Variants in OTOGL observed in about 807,000 individuals in gnomAD.
OTOGL encodes the protein otogelin like, also known as otogelin-like protein.
Under a neutral mutation model 318.5 loss-of-function variants are expected in OTOGL, and 285 were observed. The ratio of observed to expected loss-of-function variants is 0.89; its 90% CI spans 0.81 to 0.99. OTOGL has a LOEUF of 0.99. Among genes scored for constraint, OTOGL ranks in the 50% least tolerant of loss-of-function variants. The pLI, the probability that OTOGL is intolerant of heterozygous loss-of-function variation, is 0.00. For synonymous variants in OTOGL, 987 were observed against 936.5 expected (o/e 1.05, Z -0.99); for missense variants, 2,899 against 2,845.6 (o/e 1.02, Z -0.43).
At chr12:80,359,680 A>G (rs1365197799) in intron 52 of OTOGL, among the ~76,000 whole-genome samples, 1 of 152,224 alleles carries the variant, frequency 6.6e-6, no homozygotes, top group African/African-American at 2.4e-5. Context: ...AAAAAGCATT[A>G]ATCCAACATT....
At position 80,342,016 on chromosome 12, in the gene OTOGL, G is replaced by C. The variant is rs1203529205; in HGVS notation, c.5119G>C (p.Asp1707His). Residue 1707 changes from aspartate to histidine, a missense_variant, in exon 44 of 59, where the codon GAC becomes CAC. Transcript: ENST00000547103. Reference sequence around the variant, plus strand: ...TGGCACAATTATTACAAATATGGAAGACATAGGATTATTTATTGAGAGCTG... The same window carrying C: ...TGGCACAATTATTACAAATATGGAACACATAGGATTATTTATTGAGAGCTG... Reference protein sequence around the residue: ...QNGTIITNMEDIGLFIESWEI... With the variant: ...QNGTIITNMEHIGLFIESWEI... The C allele has an allele frequency of 6.2e-7, 1 of 1,608,532 alleles. No individual in the cohort carries two copies. Among genetic ancestry groups the C allele is most frequent in the African/African-American group, 1.3e-5 (1 of 74,862 alleles).
At chr12:80,206,584 A>C (rs981988325) in intron 1 of OTOGL, among the ~76,000 whole-genome samples, 1 of 152,028 alleles carries the variant, frequency 6.6e-6, no homozygotes, top group Non-Finnish European at 1.5e-5. Flanking sequence ...ACCTCAGTTC[A>C]CGGCAACCTT....
At chr12:80,278,662 A>T (rs899269272) in intron 25 of OTOGL, among the ~76,000 whole-genome samples, 2 of 151,594 alleles carry the variant, frequency 1.3e-5, no homozygotes, top group African/African-American at 2.4e-5. Context: ...ATGGACAAAG[A>T]TTCTAAACTC....
At chr12:80,334,007 T>C (rs1039516928) in intron 38 of OTOGL, among the ~76,000 whole-genome samples, 1 of 152,186 alleles carries the variant, frequency 6.6e-6, no homozygotes, top group African/African-American at 2.4e-5. Context: ...TCTAAATGAC[T>C]TGGGAAGGTG....
chr12:80,164,570 G>A (rs1873718632), intron 1 of OTOGL, among the ~76,000 whole-genome samples: 2 of 152,098 alleles, frequency 1.3e-5, no homozygotes, highest in South Asian at 4.1e-4. Context: ...TTTCTCTAAG[G>A]TAGGTAATAA....
Position 80,125,433 on chromosome 12 carries a change from A to G in OTOGL, c.-20+25828A>G, listed in dbSNP as rs911295884. Reference sequence around the variant, plus strand: ...AGCTTTTTGATGTGCTGCTGGATTCAGTTTGCCAGTATTTTATTGAGGATT... The same window carrying G: ...AGCTTTTTGATGTGCTGCTGGATTCGGTTTGCCAGTATTTTATTGAGGATT... On this transcript the variant is annotated intron_variant, in intron 1 of 58. Coordinates refer to ENST00000547103, the MANE Select transcript of OTOGL (RefSeq NM_001378609.3). 3.8e-4 allele frequency among the ~76,000 whole-genome samples: 58 copies of G among 152,100 alleles called. 1 individual carries two copies. Among genetic ancestry groups the G allele is most frequent in the African/African-American group, 1.1e-3 (46 of 41,434 alleles).
chr12:80,116,416 A>G lies in OTOGL; in HGVS notation c.-20+16811A>G, dbSNP rs144177921. 2.8e-4 allele frequency among the ~76,000 whole-genome samples: 42 copies of G among 152,044 alleles called. 2 individuals are homozygous for G. In the East Asian group the frequency reaches 7.0e-3, roughly 25 times the overall value. The stretch of plus-strand genomic sequence containing the variant: ...CAAGTCCCAGTGAGATGAACTGGGT[A>G]CCTCAGTTGGAAATGCAGAAATCAC... On this transcript the variant is annotated intron_variant, in intron 1 of 58. Transcript: ENST00000547103.
Position 80,339,129 on chromosome 12 carries a change from A to G in OTOGL, c.4915A>G (p.Ile1639Val), listed in dbSNP as rs1393941517. The G allele has an allele frequency of 2.5e-6, 4 of 1,611,790 alleles. No homozygotes were observed. The highest frequency in any genetic ancestry group is 3.4e-6 in the Non-Finnish European group (4 of 1,178,240). The change falls in exon 43 of 59, where the codon ATA becomes GTA. Residue 1639 changes from isoleucine to valine, a missense_variant. Ile to Val is a conservative substitution (Grantham distance 29, BLOSUM62 3). Coordinates refer to ENST00000547103, the MANE Select transcript of OTOGL (RefSeq NM_001378609.3). ...GCCCTTTTCAAGTCAGGAACTGTCC[A>G]TAGAGGATTCTGGTTCAATGTATGT... ...PLPFSSQELS[I>V]EDSGSMYVIT...
intron 22 of OTOGL, among the ~76,000 whole-genome samples, chr12:80,269,586 A>G (rs951855026): frequency 6.6e-6 from 1 of 152,050 alleles, no homozygotes; most frequent in African/African-American, 2.4e-5. Flanking sequence ...ATGCTGCTTT[A>G]CTTCTTCATG....
At position 80,301,888 on chromosome 12, in the gene OTOGL, G is replaced by A. The variant is rs143936125; in HGVS notation, c.3064-746G>A. Among the ~76,000 whole-genome samples, 92 of 152,260 alleles carry A rather than the reference G, an allele frequency of 6.0e-4. No homozygotes were observed. The East Asian group carries it at 0.014, about 22-fold the overall frequency. The stretch of plus-strand genomic sequence containing the variant: ...TACTCACAAATTTAATGCCTTTTCC[G>A]TCTTAACTAAGCACTTACCATGTGC... On this transcript the variant is annotated intron_variant, in intron 27 of 58. Coordinates refer to ENST00000547103, the MANE Select transcript of OTOGL (RefSeq NM_001378609.3).
At chr12:80,281,525 T>C (rs948109687) in intron 26 of OTOGL, among the ~76,000 whole-genome samples, 1 of 151,874 alleles carries the variant, frequency 6.6e-6, no homozygotes, top group Non-Finnish European at 1.5e-5. Flanking sequence ...TGCACCAAAC[T>C]GTCATTCCAG....
At chr12:80,257,792 C>A (rs981934963) in intron 17 of OTOGL, 33 bp from the exon 18 acceptor site, 3 of 1,490,846 alleles carry the variant, frequency 2.0e-6, no homozygotes, top group Non-Finnish European at 2.7e-6. Flanking sequence ...CTATGAATGT[C>A]AAAGCTGATT....
At position 80,370,605 on chromosome 12, in the gene OTOGL, T is replaced by G. The variant is rs1489022788; in HGVS notation, c.6651T>G (p.Tyr2217Ter). Residue 2217 changes from tyrosine (Y) to a stop codon, truncating the protein, a stop_gained, in exon 56 of 59, where the codon TAT (tyrosine) becomes TAG (stop). Coordinates refer to ENST00000547103, the MANE Select transcript of OTOGL (RefSeq NM_001378609.3). LOFTEE classifies it high-confidence loss of function. The part of the protein sequence containing the change: ...GSTWHYNCTT[Y>*]ECVKTDEGAI... ...CCTGGCACTACAATTGCACCACATATGAATGTGTTAAAACTGATGAAGGAG... is the reference window on the plus strand; with the variant it reads ...CCTGGCACTACAATTGCACCACATAGGAATGTGTTAAAACTGATGAAGGAG... The G allele has an allele frequency of 6.3e-7, 1 of 1,579,814 alleles. No individual in the cohort carries two copies. The highest frequency in any genetic ancestry group is 2.3e-5 in the East Asian group (1 of 43,508).
intron 14 of OTOGL, 37 bp downstream of exon 14, chr12:80,253,611 C>T: frequency 6.7e-7 from 1 of 1,502,028 alleles, no homozygotes; most frequent in Non-Finnish European, 9.3e-7. Flanking sequence ...TTTCTGGGTA[C>T]TTGGCTAGTT....
intron 1 of OTOGL, among the ~76,000 whole-genome samples, chr12:80,104,024 A>G (rs1438579093): frequency 6.6e-6 from 1 of 152,214 alleles, no homozygotes. Context: ...CACCTACAGA[A>G]GTTGGGCTGA....
Position 80,239,029 on chromosome 12 carries a change from C to G in OTOGL, c.945+51C>G. The G allele has an allele frequency of 2.0e-6, 3 of 1,510,090 alleles. No homozygotes were observed. In the Admixed American group the frequency reaches 6.4e-5, roughly 32 times the overall value. 93.5% of individuals were successfully genotyped at this position (1,510,090 alleles called of 1,614,324 possible). ...CATGTCAGACAGAATACACATATAT[C>G]TTATTTGTATAATTAACTAAGCATT... On this transcript the variant is annotated intron_variant, in intron 10 of 58. Transcript: ENST00000547103.
chr12:80,219,745 C>G, intron 5 of OTOGL, 69 bp from the exon 6 acceptor site: 1 of 978,812 alleles, frequency 1.0e-6, no homozygotes, highest in Non-Finnish European at 1.6e-6. Flanking sequence ...CAAGCTATAT[C>G]TTGACATATT....
Position 80,282,281 on chromosome 12 carries a change from T to C in OTOGL, c.2928+3115T>C, listed in dbSNP as rs181110239. Among the ~76,000 whole-genome samples, 903 of 152,078 alleles carry C rather than the reference T, an allele frequency of 5.9e-3. 3 individuals are homozygous for C. Among genetic ancestry groups the C allele is most frequent in the Middle Eastern group, 0.014 (4 of 294 alleles). On this transcript the variant is annotated intron_variant, in intron 26 of 58. Transcript: ENST00000547103. ...TAGAGGTTTGTGTGTGATTCTGTTA[T>C]TTAAGCCTAAGTCAAGAAAACAGAC...
At chr12:80,312,864 T>C (rs1482180009) in intron 30 of OTOGL, among the ~76,000 whole-genome samples, 1 of 152,092 alleles carries the variant, frequency 6.6e-6, no homozygotes, top group Non-Finnish European at 1.5e-5. Context: ...CAGGCTGGAG[T>C]GCAGTGGTGC....
Sources: gnomAD v4.1 joint callset for allele counts (sites outside exome capture counted in the v4.1 genomes callset) on GRCh38, gnomAD v4.1.1 for gene constraint, MANE v1.5 for transcripts, NCBI Gene and HGNC (gene_info 2026-07-23, HGNC 2026-07-21) for gene names.